The following SRGAP1 variants were observed in gnomAD, a reference collection of about 807,000 sequenced individuals.
SRGAP1 encodes the protein SLIT-ROBO Rho GTPase-activating protein 1.
A neutral mutation model predicts 121.9 loss-of-function variants in SRGAP1; 43 were observed. That is an observed-to-expected ratio of 0.35 (90% confidence interval 0.28 to 0.46). The LOEUF (loss-of-function observed/expected upper bound fraction) is 0.46. Among genes scored for constraint, SRGAP1 ranks in the 20% least tolerant of loss-of-function variants. The pLI, the probability that SRGAP1 is intolerant of heterozygous loss-of-function variation, is 1.00. For synonymous variants in SRGAP1, 447 were observed against 485.4 expected (o/e 0.92, Z 1.04); for missense variants, 1,102 against 1,350.9 (o/e 0.82, Z 2.89).
chr12:63,969,922 A>G (rs2032895619), intron 1 of SRGAP1, among the ~76,000 whole-genome samples: 1 of 152,090 alleles, frequency 6.6e-6, no homozygotes, highest in African/African-American at 2.4e-5. Flanking sequence ...GAAGACCTTC[A>G]TCATTTACTT....
intron 4 of SRGAP1, among the ~76,000 whole-genome samples, chr12:64,018,813 G>A (rs764225423): frequency 1.3e-5 from 2 of 152,082 alleles, no homozygotes; most frequent in African/African-American, 2.4e-5. Context: ...TGCTTTATGT[G>A]ATTTGTTAGC....
chr12:63,909,266 T>C (rs1476157235), intron 1 of SRGAP1, among the ~76,000 whole-genome samples: 2 of 152,196 alleles, frequency 1.3e-5, no homozygotes, highest in Non-Finnish European at 2.9e-5. Flanking sequence ...TGAACAGCTG[T>C]GGAATTTAAG....
chr12:63,882,218 G>A (rs1478523166), intron 1 of SRGAP1, among the ~76,000 whole-genome samples: 2 of 152,164 alleles, frequency 1.3e-5, no homozygotes, highest in Admixed American at 1.3e-4. Flanking sequence ...TTGTGATGAA[G>A]AATGGCTCTT....
At chr12:64,032,971 C>T (rs1218730172) in intron 4 of SRGAP1, among the ~76,000 whole-genome samples, 1 of 151,848 alleles carries the variant, frequency 6.6e-6, no homozygotes, top group Non-Finnish European at 1.5e-5. Context: ...TAAATGTGTA[C>T]AATTTTTTTG....
rs749018955 is a variant in SRGAP1, at chr12:64,142,294, G to T, written c.2881-1G>T. 4 of 1,610,588 alleles carry T rather than the reference G, an allele frequency of 2.5e-6. No individual in the cohort carries two copies. The highest frequency in any genetic ancestry group is 3.4e-6 in the Non-Finnish European group (4 of 1,177,332). ...CTCTCTTTCCGATTATTCTTCAATA[G>T]GATATTGAAGAAACGATGAACACAG... On this transcript the variant is annotated splice_acceptor_variant, in intron 21 of 21. Transcript: ENST00000355086. LOFTEE classifies it high-confidence loss of function.
chr12:64,125,748 T>C (rs2036677083), intron 18 of SRGAP1, among the ~76,000 whole-genome samples: 2 of 152,194 alleles, frequency 1.3e-5, no homozygotes, highest in South Asian at 2.1e-4. Context: ...GAAAATCCAG[T>C]GTTCAGTTTT....
intron 1 of SRGAP1, among the ~76,000 whole-genome samples, chr12:63,894,661 C>G (rs1900695134): frequency 6.6e-6 from 1 of 152,078 alleles, no homozygotes; most frequent in Admixed American, 6.5e-5. Context: ...GTGATGTTCC[C>G]CTTCTTGTGT....
At chr12:63,867,762 T>TA (rs946720321) in intron 1 of SRGAP1, among the ~76,000 whole-genome samples, 11 of 150,768 alleles carry the variant, frequency 7.3e-5, no homozygotes, top group African/African-American at 1.2e-4. Flanking sequence ...TAGTGACATT[T>TA]AAAAAAAAAT....
chr12:63,891,169 CT>C (rs1445456896), intron 1 of SRGAP1, among the ~76,000 whole-genome samples: 4 of 152,168 alleles, frequency 2.6e-5, no homozygotes, highest in African/African-American at 9.7e-5. Context: ...CCTTGGATGC[CT>C]TTATTAGACG....
chr12:63,892,008 GAAAAA>G (rs1900601987), intron 1 of SRGAP1, among the ~76,000 whole-genome samples: 1 of 146,506 alleles, frequency 6.8e-6, no homozygotes, highest in Non-Finnish European at 1.5e-5. Context: ...AAGAAAAAAA[GAAAAA>G]AGAAAAGAGA....
At chr12:64,078,801 T>G (rs1229311935) in intron 8 of SRGAP1, 118 bp from the exon 9 acceptor site, 2 of 947,102 alleles carry the variant, frequency 2.1e-6, no homozygotes, top group Non-Finnish European at 3.2e-6. Flanking sequence ...CCTAATAGAC[T>G]GTGAATTTGG....
intron 4 of SRGAP1, among the ~76,000 whole-genome samples, chr12:64,031,146 T>C (rs1333110729): frequency 2.0e-5 from 3 of 151,980 alleles, no homozygotes; most frequent in Non-Finnish European, 4.4e-5. Context: ...GGTGAAATCC[T>C]GTCTCTACTA....
chr12:64,003,080 A>G (rs796139927), intron 3 of SRGAP1, among the ~76,000 whole-genome samples: 33 of 24,956 alleles, frequency 1.3e-3, no homozygotes, highest in African/African-American at 5.7e-3. Context: ...GGGAGGGAGG[A>G]AGGGAGGGTG....
intron 1 of SRGAP1, among the ~76,000 whole-genome samples, chr12:63,955,084 G>A (rs1169176349): frequency 2.6e-5 from 4 of 152,274 alleles, no homozygotes; most frequent in South Asian, 2.1e-4. Flanking sequence ...TTGGGAGCCC[G>A]AGGTGGGCGG....
At chr12:64,109,784 G>A (rs1427134623) in intron 16 of SRGAP1, among the ~76,000 whole-genome samples, 2 of 152,140 alleles carry the variant, frequency 1.3e-5, no homozygotes, top group African/African-American at 4.8e-5. Context: ...ATGCTAGCAT[G>A]GATTCTCCTT....
intron 21 of SRGAP1, among the ~76,000 whole-genome samples, chr12:64,133,270 A>G (rs945073553): frequency 1.3e-4 from 20 of 152,250 alleles, no homozygotes; most frequent in African/African-American, 4.1e-4. Context: ...TCCCACCATA[A>G]TAGCCCCCAC....
chr12:64,039,952 C>A (rs11175238), intron 4 of SRGAP1, among the ~76,000 whole-genome samples: 87,279 of 151,784 alleles, frequency 0.58, 25,601 homozygotes, highest in South Asian at 0.67. Flanking sequence ...CAATTACACA[C>A]GGCTCAGAAA....
rs544774620 is a variant in SRGAP1, at chr12:63,933,112, C to T, written c.68-50835C>T. 1.2e-4 allele frequency among the ~76,000 whole-genome samples: 18 copies of T among 152,176 alleles called. 1 individual carries two copies. In the South Asian group the frequency reaches 1.7e-3, roughly 14 times the overall value. ...CTGAAGCAGGAGAATCACTTGAACC[C>T]GGGAGGTGGAGGTTGCAGCAAGCTG... On this transcript the variant is annotated intron_variant, in intron 1 of 21. Coordinates refer to ENST00000355086, the MANE Select transcript of SRGAP1 (RefSeq NM_020762.4).
chr12:64,137,429 G>A (rs188750144), intron 21 of SRGAP1, among the ~76,000 whole-genome samples: 7 of 151,982 alleles, frequency 4.6e-5, no homozygotes, highest in South Asian at 2.1e-4. Flanking sequence ...TGTCACCCTC[G>A]TAAAATGTCT....
Sources: allele counts gnomAD v4.1 joint callset (sites outside exome capture counted in the v4.1 genomes callset), GRCh38; gene constraint gnomAD v4.1.1; transcripts MANE v1.5; gene names NCBI Gene and HGNC (gene_info 2026-07-23, HGNC 2026-07-21).